Variants in KIF1B observed in about 807,000 individuals in gnomAD.
KIF1B encodes kinesin family member 1B.
A neutral mutation model predicts 241.9 loss-of-function variants in KIF1B; 76 were observed. That is an observed-to-expected ratio of 0.31 (90% CI 0.26 to 0.38). KIF1B has a LOEUF of 0.38. Among genes scored for constraint, KIF1B ranks in the 10% least tolerant of loss-of-function variants. KIF1B has a pLI of 1.00. For synonymous variants in KIF1B, 750 were observed against 796.7 expected (o/e 0.94, Z 0.99); for missense variants, 1,622 against 2,271.4 (o/e 0.71, Z 5.81).
chr1:10,371,848 G>A (rs1638741628), intron 45 of KIF1B, among the ~76,000 whole-genome samples: 1 of 152,088 alleles, frequency 6.6e-6, no homozygotes, highest in African/African-American at 2.4e-5. Context: ...TGGGAGGATC[G>A]CTTGAATCCA....
In KIF1B at chr1:10,276,756, TC is replaced by T. The variant is rs1170483660; in HGVS notation, c.1037+362del. ...TTATTCATTTCTATAAAAAGAAGTG[TC>T]CCCCTTCTTGTAGTGTTTGTCGTTA... On this transcript the variant is annotated intron_variant, in intron 12 of 48. Transcript: ENST00000676179. 1.8e-4 allele frequency among the ~76,000 whole-genome samples: 28 copies of T among 152,216 alleles called. No individual in the cohort carries two copies. In the East Asian group the frequency reaches 5.4e-3, roughly 29 times the overall value.
intron 4 of KIF1B, among the ~76,000 whole-genome samples, chr1:10,261,561 AAAAAATTT>A (rs1257829705): frequency 6.6e-6 from 1 of 152,170 alleles, no homozygotes; most frequent in African/African-American, 2.4e-5. Flanking sequence ...AATTTTTGAA[AAAAAATTT>A]AAACTTTTTT....
At chr1:10,332,267 T>C (rs1651973004) in intron 27 of KIF1B, among the ~76,000 whole-genome samples, 1 of 151,852 alleles carries the variant, frequency 6.6e-6, no homozygotes, top group African/African-American at 2.4e-5. Context: ...GGTTTCACCA[T>C]GTTGGCCAGG....
chr1:10,232,103 C>CAA (rs1646991056), intron 1 of KIF1B, 147 bp from the exon 2 acceptor site: 2 of 491,782 alleles, frequency 4.1e-6, no homozygotes, highest in Non-Finnish European at 7.4e-6. Context: ...CAAAACAAAA[C>CAA]AAAAGATTTG....
Position 10,244,315 on chromosome 1 carries a change from C to CTT in KIF1B, c.106+11896_106+11897dup, listed in dbSNP as rs571243520. On this transcript the variant is annotated intron_variant, in intron 2 of 48. Transcript: ENST00000676179. ...GTGCCATTTTTCTTTTTTTTCTTTT[C>CTT]TTTTTTTTTTTTTTTTGAGATGGAG... Among the ~76,000 whole-genome samples the CTT allele has an allele frequency of 6.7e-3, 857 of 127,524 alleles. 17 individuals carry two copies. The highest frequency in any genetic ancestry group is 0.019 in the African/African-American group (656 of 33,872). The allele number at this position is 127,524 out of a possible 152,430, so 83.7% of individuals were successfully genotyped here.
chr1:10,215,684 C>T (rs1249633005), intron 1 of KIF1B, among the ~76,000 whole-genome samples: 1 of 152,008 alleles, frequency 6.6e-6, no homozygotes, highest in Non-Finnish European at 1.5e-5. Context: ...TAGCTGGGAT[C>T]ACAGGCATGC....
rs140219964 is a variant in KIF1B, at chr1:10,243,445, GA to G, written c.106+11017del. On this transcript the variant is annotated intron_variant, in intron 2 of 48. Coordinates refer to ENST00000676179, the MANE Select transcript of KIF1B (RefSeq NM_001365951.3). ...AAAAACAATTGCCTTTTAGTGGGGG[GA>G]AAAAATACCATAATTAGTAATTAAA... Among the ~76,000 whole-genome samples the G allele has an allele frequency of 5.7e-3, 870 of 152,176 alleles. 6 individuals carry two copies. Among genetic ancestry groups the G allele is most frequent in the Non-Finnish European group, 7.0e-3 (473 of 67,994 alleles).
chr1:10,220,869 G>A (rs1396892065), intron 1 of KIF1B, among the ~76,000 whole-genome samples: 1 of 151,938 alleles, frequency 6.6e-6, no homozygotes, highest in Non-Finnish European at 1.5e-5. Flanking sequence ...CACCATGCTG[G>A]CCAGGCTGGT....
At chr1:10,322,875 G>T (rs984845911) in intron 24 of KIF1B, among the ~76,000 whole-genome samples, 1 of 152,160 alleles carries the variant, frequency 6.6e-6, no homozygotes, top group Non-Finnish European at 1.5e-5. Context: ...AGAAATAAAT[G>T]ATGCAATGTC....
intron 22 of KIF1B, 52 bp downstream of exon 22, chr1:10,297,298 T>C (rs752883143): frequency 6.6e-7 from 1 of 1,503,890 alleles, no homozygotes; most frequent in Admixed American, 1.7e-5. Flanking sequence ...CTTGTTCCCA[T>C]ACTTTCCCTG....
chr1:10,345,186 A>G (rs1450648106), intron 34 of KIF1B, among the ~76,000 whole-genome samples: 1 of 152,106 alleles, frequency 6.6e-6, no homozygotes, highest in Non-Finnish European at 1.5e-5. Context: ...TGGAATTTAA[A>G]TCTGAAGAAA....
intron 5 of KIF1B, among the ~76,000 whole-genome samples, chr1:10,263,963 T>C (rs559245919): frequency 6.6e-6 from 1 of 152,318 alleles, no homozygotes; most frequent in Admixed American, 6.5e-5. Flanking sequence ...GGCCTCTACA[T>C]TTACTTCTCC....
rs115579440 is a variant in KIF1B at position 10,291,743 on chromosome 1, T to C, written c.1515-304T>C. Reference sequence around the variant, plus strand: ...AAAAAAGGAATAGCCTCTTCTTTTCTTTTTTATATTAATATGCATATCATT... The same window carrying C: ...AAAAAAGGAATAGCCTCTTCTTTTCCTTTTTATATTAATATGCATATCATT... On this transcript the variant is annotated intron_variant, in intron 16 of 48. Coordinates refer to ENST00000676179, the MANE Select transcript of KIF1B (RefSeq NM_001365951.3). Among the ~76,000 whole-genome samples the C allele has an allele frequency of 2.0e-3, 304 of 152,206 alleles. 2 individuals carry two copies. Among genetic ancestry groups the C allele is most frequent in the African/African-American group, 6.8e-3 (281 of 41,544 alleles).
At chr1:10,295,277 G>A (rs928093823) in intron 18 of KIF1B, 112 bp downstream of exon 18, 3 of 748,122 alleles carry the variant, frequency 4.0e-6, no homozygotes, top group Non-Finnish European at 7.2e-6. Context: ...TGTATTTTTT[G>A]TCTGAAATAG....
Position 10,378,443 on chromosome 1 carries a change from C to T in KIF1B, c.*1856C>T. 1 of 717,832 alleles carries T rather than the reference C, an allele frequency of 1.4e-6. No individual in the cohort carries two copies. The highest frequency in any genetic ancestry group is 1.5e-5 in the South Asian group (1 of 67,600). The allele number at this position is 717,832 out of a possible 1,614,324, so 44.5% of individuals were successfully genotyped here. A position where few individuals can be genotyped will look rare whatever the true frequency, so the allele number is the denominator to read the frequency against. On this transcript the variant is annotated 3_prime_UTR_variant, in exon 49 of 49. Transcript: ENST00000676179. ...AGGGGAAAAAGAAAGCCTCCAGTGA[C>T]TTCAGTTGCTTTGCCAGTTGTCTTG... is the stretch of plus-strand genomic sequence containing the variant.
chr1:10,350,723 G>A (rs1652761782), intron 37 of KIF1B, among the ~76,000 whole-genome samples: 1 of 152,124 alleles, frequency 6.6e-6, no homozygotes, highest in Non-Finnish European at 1.5e-5. Context: ...TGAAAATAAA[G>A]ATGTAATTTT....
rs138905490 is a variant in KIF1B at position 10,233,648 on chromosome 1, A to G, written c.106+1214A>G. On this transcript the variant is annotated intron_variant, in intron 2 of 48. Coordinates refer to ENST00000676179, the MANE Select transcript of KIF1B (RefSeq NM_001365951.3). Reference sequence around the variant, plus strand: ...CAAAGAAAAAGAGATGCAAAAGTCAACATTGAATTGAATACTTTAAATCGG... The same window carrying G: ...CAAAGAAAAAGAGATGCAAAAGTCAGCATTGAATTGAATACTTTAAATCGG... 3.6e-3 allele frequency among the ~76,000 whole-genome samples: 546 copies of G among 152,256 alleles called. 6 individuals are homozygous for G. Among genetic ancestry groups the G allele is most frequent in the African/African-American group, 0.012 (516 of 41,546 alleles).
In KIF1B at chr1:10,336,735, T is replaced by A; in HGVS notation, c.3122T>A (p.Phe1041Tyr). 1 of 1,611,396 alleles carries A rather than the reference T, an allele frequency of 6.2e-7. No individual in the cohort carries two copies. Among genetic ancestry groups the A allele is most frequent in the Non-Finnish European group, 8.5e-7 (1 of 1,177,572 alleles). The change falls in exon 29 of 49, where the codon TTT (phenylalanine) becomes TAT (tyrosine). Residue 1041 changes from phenylalanine (F) to tyrosine (Y), a missense_variant. Around this residue, in one of 7 missense-constraint regions of KIF1B, gnomAD observed 803 missense variants for 1,112.0 expected, o/e 0.72. Transcript: ENST00000676179. ...TAKISFDNEYFNQSDFSSVAM... is the reference protein window; with the variant it reads ...TAKISFDNEYYNQSDFSSVAM... The stretch of plus-strand genomic sequence containing the variant: ...AAAATATCTTTTGATAATGAATACT[T>A]TAATCAGGTGAGAAACCGTCAGGAA...
Position 10,371,271 on chromosome 1 carries a change from C to A in KIF1B, c.4946+9C>A. 1 of 1,613,948 alleles carries A rather than the reference C, an allele frequency of 6.2e-7. No individual in the cohort carries two copies. Among genetic ancestry groups the A allele is most frequent in the Non-Finnish European group, 8.5e-7 (1 of 1,179,912 alleles). On this transcript the variant is annotated intron_variant, in intron 45 of 48. Transcript: ENST00000676179. ...AACTCTCTGGATCAGAAGTAAGTACCCAGATTTCACTGAGAGAAGTCAATC... is the reference window on the plus strand; with the variant it reads ...AACTCTCTGGATCAGAAGTAAGTACACAGATTTCACTGAGAGAAGTCAATC...
Sources: allele counts gnomAD v4.1 joint callset (sites outside exome capture counted in the v4.1 genomes callset), GRCh38; gene constraint gnomAD v4.1.1; regional missense constraint gnomAD v4.1.1; transcripts MANE v1.5; gene names NCBI Gene and HGNC (gene_info 2026-07-23, HGNC 2026-07-21).